Variants in LYPLAL1 observed in about 807,000 individuals in gnomAD.
LYPLAL1 encodes the protein lysophospholipase like 1.
Under a neutral mutation model 19.7 loss-of-function variants are expected in LYPLAL1, and 23 were observed. That is an observed-to-expected ratio of 1.17 (90% CI 0.84 to 1.65). The LOEUF (loss-of-function observed/expected upper bound fraction) is 1.65. Ranked by LOEUF, LYPLAL1 falls within the 40% of genes most tolerant of loss-of-function variation. The probability of loss-of-function intolerance (pLI) is 0.00; values close to 1 mark genes in which losing one functional copy is unlikely to be tolerated. For synonymous variants in LYPLAL1, 119 were observed against 96.3 expected (o/e 1.24, Z -1.38); for missense variants, 355 against 279.4 (o/e 1.27, Z -1.93).
chr1:219,241,132 C>CTATATATATATATA, the LYPLAL1 span, among the ~76,000 whole-genome samples: 22 of 57,508 alleles, frequency 3.8e-4, no homozygotes, highest in Admixed American at 6.4e-4. Flanking sequence ...CTCTCTCTCT[C>CTATATATATATATA]TCTATATATA....
intron 2 of LYPLAL1, among the ~76,000 whole-genome samples, chr1:219,185,584 A>G (rs1483968423): frequency 6.6e-6 from 1 of 151,932 alleles, no homozygotes; most frequent in Non-Finnish European, 1.5e-5. Context: ...TTATGTTCAC[A>G]AATTTTGTGG....
At chr1:219,440,014 C>CACATATATATATATATATAT in the LYPLAL1 span, among the ~76,000 whole-genome samples, 31 of 74,088 alleles carry the variant, frequency 4.2e-4, no homozygotes, top group African/African-American at 1.9e-3. Flanking sequence ...TATATATATA[C>CACATATATATATATATATAT]ACACACACAC....
chr1:219,239,223 A>T, the LYPLAL1 span, among the ~76,000 whole-genome samples: 1 of 151,942 alleles, frequency 6.6e-6, no homozygotes, highest in African/African-American at 2.4e-5. Flanking sequence ...GAAATTATAA[A>T]ATAAATGAGA....
At chr1:219,415,783 T>C in the LYPLAL1 span, among the ~76,000 whole-genome samples, 3 of 152,224 alleles carry the variant, frequency 2.0e-5, no homozygotes, top group Non-Finnish European at 4.4e-5. Context: ...CCTCTGGAAC[T>C]TGAAGTAGAT....
the LYPLAL1 span, chr1:219,435,503 A>G: frequency 1.3e-5 from 2 of 152,138 alleles, no homozygotes; most frequent in African/African-American, 4.8e-5. Flanking sequence ...CTTAGTGTAC[A>G]ATGTTATCTT....
the LYPLAL1 span, chr1:219,270,676 A>G: frequency 1.3e-5 from 2 of 152,208 alleles, no homozygotes; most frequent in Non-Finnish European, 2.9e-5. Flanking sequence ...ACAAGCTGCC[A>G]GCATTCATCT....
chr1:219,378,826 T>C, the LYPLAL1 span, among the ~76,000 whole-genome samples: 41 of 152,144 alleles, frequency 2.7e-4, no homozygotes, highest in African/African-American at 9.4e-4. Context: ...AGATAGACAA[T>C]AGACAATATA....
At chr1:219,267,092 T>C in the LYPLAL1 span, among the ~76,000 whole-genome samples, 1 of 152,130 alleles carries the variant, frequency 6.6e-6, no homozygotes, top group Non-Finnish European at 1.5e-5. Flanking sequence ...AGCTTTTGTA[T>C]GGTAGATATA....
the LYPLAL1 span, among the ~76,000 whole-genome samples, chr1:219,414,534 G>GA: frequency 6.6e-6 from 1 of 152,120 alleles, no homozygotes; most frequent in Non-Finnish European, 1.5e-5. Flanking sequence ...CATTTTAAAA[G>GA]AAAGTGATCA....
the LYPLAL1 span, among the ~76,000 whole-genome samples, chr1:219,266,145 AT>A: frequency 1.3e-5 from 2 of 149,634 alleles, no homozygotes; most frequent in South Asian, 2.1e-4. Flanking sequence ...AAACTTTAAC[AT>A]TTTTTTAAAT....
the LYPLAL1 span, among the ~76,000 whole-genome samples, chr1:219,320,604 C>T: frequency 2.6e-5 from 4 of 152,110 alleles, no homozygotes; most frequent in African/African-American, 7.2e-5. Flanking sequence ...CCCCATCCCA[C>T]GACAGGTCCT....
At chr1:219,238,644 TG>T in the LYPLAL1 span, among the ~76,000 whole-genome samples, 1 of 152,148 alleles carries the variant, frequency 6.6e-6, no homozygotes, top group Admixed American at 6.5e-5. Flanking sequence ...CTGGAACCAC[TG>T]CAGACTTTGT....
At chr1:219,309,495 T>G in the LYPLAL1 span, among the ~76,000 whole-genome samples, 2 of 152,130 alleles carry the variant, frequency 1.3e-5, no homozygotes, top group African/African-American at 4.8e-5. Flanking sequence ...CCCACCCATA[T>G]CTCATCTTGA....
the LYPLAL1 span, among the ~76,000 whole-genome samples, chr1:219,323,763 A>G: frequency 1.5e-4 from 23 of 152,334 alleles, no homozygotes; most frequent in Middle Eastern, 3.4e-3. Context: ...CTTAGAAAAA[A>G]GTACAGTGGA....
chr1:219,410,422 G>A, the LYPLAL1 span, among the ~76,000 whole-genome samples: 4 of 152,356 alleles, frequency 2.6e-5, no homozygotes, highest in East Asian at 7.7e-4. Flanking sequence ...CCTACAGAAT[G>A]TAGTGGCACC....
intron 1 of LYPLAL1, among the ~76,000 whole-genome samples, chr1:219,176,872 G>C (rs1356701540): frequency 6.6e-6 from 1 of 152,200 alleles, no homozygotes; most frequent in South Asian, 2.1e-4. Flanking sequence ...GCCTCCATGT[G>C]TAAGGCACTG....
chr1:219,241,260 G>A, the LYPLAL1 span, among the ~76,000 whole-genome samples: 1 of 149,774 alleles, frequency 6.7e-6, no homozygotes, highest in African/African-American at 2.5e-5. Context: ...TTACTATTTG[G>A]AGTAGAACCA....
chr1:219,339,139 C>T, the LYPLAL1 span, among the ~76,000 whole-genome samples: 95 of 151,984 alleles, frequency 6.3e-4, no homozygotes, highest in Admixed American at 3.8e-3. Context: ...GGGTCATCCA[C>T]GCTACCATGA....
intron 3 of LYPLAL1, among the ~76,000 whole-genome samples, chr1:219,197,548 C>T (rs931723339): frequency 5.3e-5 from 8 of 152,082 alleles, no homozygotes; most frequent in African/African-American, 1.9e-4. Flanking sequence ...TAGGCAATAC[C>T]ATTCACAACA....
Sources: allele counts gnomAD v4.1 joint callset (sites outside exome capture counted in the v4.1 genomes callset), GRCh38; gene constraint gnomAD v4.1.1; transcripts MANE v1.5; gene names NCBI Gene and HGNC (gene_info 2026-07-23, HGNC 2026-07-21).